Variants in NUMB observed in about 807,000 individuals in gnomAD.
The protein encoded by NUMB is protein numb homolog.
In NUMB, 29 loss-of-function variants were observed where a neutral mutation model predicts 59.7. The observed-to-expected ratio is 0.49, with a 90% CI of 0.36 to 0.66. The LOEUF is 0.66. Among genes scored for constraint, NUMB ranks in the 30% least tolerant of loss-of-function variants. The probability of loss-of-function intolerance (pLI) is 0.00; values close to 1 mark genes in which losing one functional copy is unlikely to be tolerated. For synonymous variants in NUMB, 288 were observed against 288.2 expected, an observed-to-expected ratio of 1.00 and a Z score of 0.01; for missense variants, 723 against 822.0, an observed-to-expected ratio of 0.88 and a Z score of 1.47.
chr14:73,363,986 T>C (rs1033295278), intron 3 of NUMB, among the ~76,000 whole-genome samples: 1 of 152,150 alleles, frequency 6.6e-6, no homozygotes, highest in Non-Finnish European at 1.5e-5. Context: ...TCCAACTGTA[T>C]ATTTTTTTCT....
At chr14:73,399,740 G>A (rs1324970503) in intron 2 of NUMB, among the ~76,000 whole-genome samples, 2 of 151,360 alleles carry the variant, frequency 1.3e-5, no homozygotes, top group Non-Finnish European at 2.9e-5. Context: ...CACAGCAAGA[G>A]CCTGTCTCTA....
intron 2 of NUMB, among the ~76,000 whole-genome samples, chr14:73,375,330 T>A (rs2140065559): frequency 6.6e-6 from 1 of 152,278 alleles, no homozygotes; most frequent in Admixed American, 6.5e-5. Context: ...TCTTTTATAT[T>A]TTACAACAAT....
intron 4 of NUMB, among the ~76,000 whole-genome samples, chr14:73,352,144 T>C (rs907799610): frequency 1.8e-4 from 27 of 151,898 alleles, no homozygotes; most frequent in Admixed American, 1.7e-3. Context: ...CCTGCTTTCC[T>C]ACAGGGTCAT....
intron 2 of NUMB, among the ~76,000 whole-genome samples, chr14:73,390,638 C>CT (rs55831976): frequency 0.049 from 1,945 of 39,348 alleles, 529 homozygotes; most frequent in Non-Finnish European, 0.062. Flanking sequence ...AAAACAAAGT[C>CT]TTTTTTTTTT....
chr14:73,343,557 T>C (rs1018751591), intron 4 of NUMB, among the ~76,000 whole-genome samples: 2 of 152,222 alleles, frequency 1.3e-5, no homozygotes, highest in Admixed American at 6.5e-5. Context: ...TCCTCACAAC[T>C]ATGGCTTGGG....
At chr14:73,388,580 T>C (rs892482933) in intron 2 of NUMB, among the ~76,000 whole-genome samples, 2 of 152,186 alleles carry the variant, frequency 1.3e-5, no homozygotes, top group African/African-American at 4.8e-5. Context: ...GTGGATCTGA[T>C]AACTCAGTTT....
intron 3 of NUMB, among the ~76,000 whole-genome samples, chr14:73,362,960 G>A (rs560999912): frequency 3.4e-4 from 51 of 151,448 alleles, no homozygotes; most frequent in Admixed American, 2.4e-3. Context: ...ACCAGCCTGG[G>A]CAACATAGTG....
chr14:73,437,386 C>CT (rs1444251862), intron 1 of NUMB, among the ~76,000 whole-genome samples: 5 of 152,154 alleles, frequency 3.3e-5, no homozygotes, highest in African/African-American at 1.2e-4. Flanking sequence ...CTGAAGTGTT[C>CT]TCTCCAGAAA....
intron 1 of NUMB, among the ~76,000 whole-genome samples, chr14:73,414,544 C>A (rs1164412246): frequency 6.6e-6 from 1 of 152,056 alleles, no homozygotes; most frequent in African/African-American, 2.4e-5. Context: ...AGGTGCAAGC[C>A]AGCAACACCC....
chr14:73,429,020 C>T (rs1897706101), intron 1 of NUMB, among the ~76,000 whole-genome samples: 1 of 152,164 alleles, frequency 6.6e-6, no homozygotes, highest in African/African-American at 2.4e-5. Flanking sequence ...CAAAAAAATT[C>T]CCTCATGCCC....
chr14:73,286,190 ATTTTTTTTTTTTTTTTT>A (rs55711968), intron 9 of NUMB: 19 of 72,124 alleles, frequency 2.6e-4, no homozygotes, highest in Admixed American at 2.1e-3. Flanking sequence ...AAATATGGCA[ATTTTTTTTTTTTTTTTT>A]TTTTTTTTTT....
intron 1 of NUMB, among the ~76,000 whole-genome samples, chr14:73,446,110 C>T (rs1057213197): frequency 2.7e-5 from 4 of 150,268 alleles, no homozygotes; most frequent in Non-Finnish European, 5.9e-5. Context: ...GATTCTCCTA[C>T]CTCAGCCTCC....
intron 1 of NUMB, among the ~76,000 whole-genome samples, chr14:73,434,614 C>T (rs1017862439): frequency 1.3e-5 from 2 of 152,002 alleles, no homozygotes; most frequent in African/African-American, 4.8e-5. Context: ...ACCTGTAATC[C>T]CAGCACTCTG....
At chr14:73,291,710 G>T (rs1204027306) in intron 8 of NUMB, among the ~76,000 whole-genome samples, 1 of 147,500 alleles carries the variant, frequency 6.8e-6, no homozygotes, top group Non-Finnish European at 1.5e-5. Context: ...TTTGGCCAGA[G>T]TCTTGCTCTG....
intron 2 of NUMB, among the ~76,000 whole-genome samples, chr14:73,393,929 A>G (rs1017877364): frequency 6.6e-6 from 1 of 152,212 alleles, no homozygotes; most frequent in Non-Finnish European, 1.5e-5. Flanking sequence ...ATTTAATTTT[A>G]AAATTAATTT....
At chr14:73,343,879 A>G (rs1233050423) in intron 4 of NUMB, among the ~76,000 whole-genome samples, 1 of 152,228 alleles carries the variant, frequency 6.6e-6, no homozygotes, top group Non-Finnish European at 1.5e-5. Context: ...AAACAGATAA[A>G]GCATCAATTT....
At chr14:73,385,496 C>CTTTTTTTTTT (rs35526624) in intron 2 of NUMB, among the ~76,000 whole-genome samples, 4 of 65,358 alleles carry the variant, frequency 6.1e-5, no homozygotes, top group African/African-American at 1.8e-4. Context: ...GGCTAGTGGC[C>CTTTTTTTTTT]TTTTTTTTTT....
intron 4 of NUMB, among the ~76,000 whole-genome samples, chr14:73,345,111 G>A (rs565845249): frequency 2.0e-5 from 3 of 152,206 alleles, no homozygotes; most frequent in East Asian, 1.9e-4. Flanking sequence ...GCCCATCAGT[G>A]GTGGACTGGA....
At chr14:73,367,875 G>GA (rs1424678792) in intron 2 of NUMB, among the ~76,000 whole-genome samples, 1 of 151,878 alleles carries the variant, frequency 6.6e-6, no homozygotes, top group African/African-American at 2.4e-5. Flanking sequence ...AAGCTGTAGG[G>GA]AAAATGAACC....
Sources: allele counts gnomAD v4.1 joint callset (sites outside exome capture counted in the v4.1 genomes callset), GRCh38; gene constraint gnomAD v4.1.1; transcripts MANE v1.5; gene names NCBI Gene and HGNC (gene_info 2026-07-23, HGNC 2026-07-21).